MCM3: variants seen among roughly 807,000 people sequenced by gnomAD.
MCM3 encodes the protein DNA replication licensing factor MCM3.
MCM3 carries 59 observed loss-of-function variants against 91.3 expected under a neutral mutation model. That is an observed-to-expected ratio of 0.65 (90% CI 0.52 to 0.80). The LOEUF is 0.80. Ranked by LOEUF, MCM3 falls within the 30% of genes least tolerant of loss-of-function variation. The pLI, the probability that MCM3 is intolerant of heterozygous loss-of-function variation, is 0.00. For synonymous variants in MCM3, 383 were observed against 379.6 expected, an observed-to-expected ratio of 1.01 and a Z score of -0.10; for missense variants, 919 against 1,035.4, an observed-to-expected ratio of 0.89 and a Z score of 1.54.
At position 52,282,048 on chromosome 6, in the gene MCM3, G is replaced by A. The variant is rs139130600; in HGVS notation, c.528C>T (p.Thr176=). ...TCAACTGATTTATCCCCCTTACCTTGGTAGGATAGACAGAGCTGGAGGGAA... is the reference window on the plus strand; with the variant it reads ...TCAACTGATTTATCCCCCTTACCTTAGTAGGATAGACAGAGCTGGAGGGAA... ...VAFPSSSVYP[T]KDEENNPLET... The change falls in exon 4 of 17, where the codon ACC becomes ACT. Residue 176 remains threonine, a synonymous_variant. Transcript: ENST00000596288. The A allele has an allele frequency of 1.6e-5, 26 of 1,613,918 alleles. No individual in the cohort carries two copies. Among genetic ancestry groups the A allele is most frequent in the Non-Finnish European group, 2.1e-5 (25 of 1,179,984 alleles).
chr6:52,272,147 T>C (rs944126782), intron 12 of MCM3, among the ~76,000 whole-genome samples, 154 bp downstream of exon 12: 3 of 152,126 alleles, frequency 2.0e-5, no homozygotes, highest in Non-Finnish European at 4.4e-5. Flanking sequence ...TTTTCCTTTA[T>C]AAAAGGAAAT....
chr6:52,277,941 G>A (rs1359383851), intron 6 of MCM3, among the ~76,000 whole-genome samples: 5 of 151,524 alleles, frequency 3.3e-5, no homozygotes, highest in East Asian at 1.9e-4. Flanking sequence ...GGTGGTGTGC[G>A]CCTGTAATCC....
chr6:52,271,480 T>C (rs933204623), intron 12 of MCM3, among the ~76,000 whole-genome samples: 34 of 151,990 alleles, frequency 2.2e-4, no homozygotes, highest in African/African-American at 8.2e-4. Context: ...TGGTCTCTAT[T>C]AAAAACACAA....
intron 12 of MCM3, among the ~76,000 whole-genome samples, chr6:52,270,543 G>A (rs1765044385): frequency 6.6e-6 from 1 of 152,128 alleles, no homozygotes; most frequent in African/African-American, 2.4e-5. Context: ...AGCTACCGGA[G>A]TTTGGAAGTC....
chr6:52,272,465 C>T lies in MCM3; in HGVS notation c.1677-14G>A. 1 of 1,613,804 alleles carries T rather than the reference C, an allele frequency of 6.2e-7. No individual in the cohort carries two copies. ...ACCATCTTCTCCCTGGAGCCACACA[C>T]AGTGAATTCCATCTCCCTGCCACAC... On this transcript the variant is annotated splice_polypyrimidine_tract_variant and intron_variant, in intron 11 of 16. Transcript: ENST00000596288.
In MCM3 at chr6:52,282,177, T is replaced by A. The variant is rs753675968; in HGVS notation, c.401-2A>T. 1 of 1,613,998 alleles carries A rather than the reference T, an allele frequency of 6.2e-7. No individual in the cohort carries two copies. The highest frequency in any genetic ancestry group is 8.5e-7 in the Non-Finnish European group (1 of 1,179,920). On this transcript the variant is annotated splice_acceptor_variant, in intron 3 of 16. Transcript: ENST00000596288. LOFTEE classifies it high-confidence loss of function. Reference sequence around the variant, plus strand: ...CGACTTTGGGACGAACTAGAGAACCTAGGGATGGAAAATGTGCATATATAA... The same window carrying A: ...CGACTTTGGGACGAACTAGAGAACCAAGGGATGGAAAATGTGCATATATAA...
Position 52,272,341 on chromosome 6 carries a change from CG to C in MCM3, c.1786del (p.Arg596AlafsTer8). ...GCTCATGCTATCCTGGCTGCGCAGG[CG>C]TGAATACTCTTCTGCAATGTAGGTG... ...SATYIAEEYS[R>X]LRSQDSMSSD... On this transcript the variant is annotated frameshift_variant, in exon 12 of 17. Transcript: ENST00000596288. LOFTEE classifies it high-confidence loss of function. 1 of 1,614,184 alleles carries C rather than the reference CG, an allele frequency of 6.2e-7. No homozygotes were observed. The highest frequency in any genetic ancestry group is 8.5e-7 in the Non-Finnish European group (1 of 1,180,034).
chr6:52,278,807 C>G lies in MCM3; in HGVS notation c.814G>C (p.Ala272Pro). Residue 272 changes from alanine (A) to proline (P), a missense_variant, in exon 6 of 17, where the codon GCT (alanine) becomes CCT (proline). Ala to Pro is a conservative substitution (Grantham distance 27). Around this residue, in one of 3 missense-constraint regions of MCM3, gnomAD observed 401 missense variants for 402.7 expected, o/e 1.00. Transcript: ENST00000596288. The stretch of plus-strand genomic sequence containing the variant: ...TCCTCAGCAGAGAAAGAGGGCTGAG[C>G]ATCCTTGCTCATCTGCTTAACATTA... ...ACNVKQMSKD[A>P]QPSFSAEDIA... 1 of 1,613,964 alleles carries G rather than the reference C, an allele frequency of 6.2e-7. No individual in the cohort carries two copies. Among genetic ancestry groups the G allele is most frequent in the Non-Finnish European group, 8.5e-7 (1 of 1,179,886 alleles).
chr6:52,282,245 T>C (rs1291794439), intron 3 of MCM3, 70 bp from the exon 4 acceptor site: 2 of 1,421,438 alleles, frequency 1.4e-6, no homozygotes, highest in Non-Finnish European at 9.9e-7. Flanking sequence ...CCCAAACATA[T>C]GCAAGCCTAT....
chr6:52,276,515 G>T, intron 8 of MCM3, 39 bp from the exon 9 acceptor site: 1 of 1,520,610 alleles, frequency 6.6e-7, no homozygotes, highest in Non-Finnish European at 9.1e-7. Flanking sequence ...CTACAGTCTA[G>T]GTTATAGGGG....
In MCM3 at chr6:52,264,260, C is replaced by A; in HGVS notation, c.*328G>T. On this transcript the variant is annotated 3_prime_UTR_variant, in exon 17 of 17. Transcript: ENST00000596288. ...ACAGCAAACAGAAAACAGTTGTGCC[C>A]CCAAAAGTACTCAGAAGTCATATGT... is the stretch of plus-strand genomic sequence containing the variant. The A allele has an allele frequency of 3.9e-6, 1 of 253,242 alleles. No homozygotes were observed. Among genetic ancestry groups the A allele is most frequent in the South Asian group, 5.4e-5 (1 of 18,394 alleles). 15.7% of individuals were successfully genotyped at this position (253,242 alleles called of 1,614,324 possible). A position where few individuals can be genotyped will look rare whatever the true frequency, so the allele number is the denominator to read the frequency against.
Position 52,266,076 on chromosome 6 carries a change from T to C in MCM3, c.2227A>G (p.Arg743Gly). ...ESQKVELSES[R>G]LKAFKVALLD... ...GGCAGGAGCAACATCCGTACTCACC[T>C]GGATTCACTCAACTCCACTTTCTGG... is the stretch of plus-strand genomic sequence containing the variant. The change falls in exon 16 of 17, where the codon AGG becomes GGG. Residue 743 changes from arginine to glycine, a missense_variant and splice_region_variant. Physicochemically the swap from Arg to Gly is moderately radical, Grantham distance 125 (BLOSUM62 -2). This residue lies in a region of MCM3 where 285 missense variants were observed against 311.4 expected (regional missense o/e 0.92). Coordinates refer to ENST00000596288, the MANE Select transcript of MCM3 (RefSeq NM_002388.6). The C allele has an allele frequency of 6.2e-7, 1 of 1,613,856 alleles. No homozygotes were observed. Among genetic ancestry groups the C allele is most frequent in the Non-Finnish European group, 8.5e-7 (1 of 1,179,708 alleles).
In MCM3 at chr6:52,264,645, G is replaced by C. The variant is rs1278565609; in HGVS notation, c.2370C>G (p.Ser790Arg). Residue 790 changes from serine to arginine, a missense_variant, in exon 17 of 17, where the codon AGC (serine) becomes AGG (arginine). Physicochemically the swap from Ser to Arg is moderately radical, Grantham distance 110. This residue lies in a region of MCM3 where 285 missense variants were observed against 311.4 expected (regional missense o/e 0.92). Transcript: ENST00000596288. Reference protein sequence around the residue: ...FSSVEIQAALSKMQDDNQVMV... With the variant: ...FSSVEIQAALRKMQDDNQVMV... The stretch of plus-strand genomic sequence containing the variant: ...TGACCTGATTGTCATCCTGCATCTT[G>C]CTCAGAGCAGCCTGGATCTCAACTG... The C allele has an allele frequency of 1.9e-6, 3 of 1,614,162 alleles. No homozygotes were observed. The highest frequency in any genetic ancestry group is 3.3e-5 in the Admixed American group (2 of 60,026).
chr6:52,277,400 A>G, intron 7 of MCM3, 135 bp downstream of exon 7: 1 of 1,086,902 alleles, frequency 9.2e-7, no homozygotes, highest in Non-Finnish European at 1.3e-6. Flanking sequence ...AAAAAAAAAA[A>G]AGATTCATTT....
chr6:52,269,703 A>T (rs2268855), intron 12 of MCM3, among the ~76,000 whole-genome samples: 97,482 of 152,080 alleles, frequency 0.64, 31,510 homozygotes, highest in Middle Eastern at 0.73. Flanking sequence ...TGAGGACAAA[A>T]ACGTAACTTC....
rs530063598 is a variant in MCM3, at chr6:52,264,324, G to T, written c.*264C>A. The T allele has an allele frequency of 7.0e-6, 3 of 428,084 alleles. No individual in the cohort carries two copies. The highest frequency in any genetic ancestry group is 8.6e-6 in the Non-Finnish European group (2 of 231,704). 26.5% of individuals were successfully genotyped at this position (428,084 alleles called of 1,614,324 possible). Reference sequence around the variant, plus strand: ...GTTTGTGTGGGATGGGAAGTAGGGCGGATGAGCCAGTGCTTTTGCAATGAA... The same window carrying T: ...GTTTGTGTGGGATGGGAAGTAGGGCTGATGAGCCAGTGCTTTTGCAATGAA... On this transcript the variant is annotated 3_prime_UTR_variant, in exon 17 of 17. Coordinates refer to ENST00000596288, the MANE Select transcript of MCM3 (RefSeq NM_002388.6).
intron 1 of MCM3, among the ~76,000 whole-genome samples, chr6:52,284,308 C>G (rs1291887339): frequency 6.6e-6 from 1 of 152,174 alleles, no homozygotes; most frequent in Admixed American, 6.5e-5. Flanking sequence ...TGCAAAAGGC[C>G]GAGGTGGGCT....
intron 16 of MCM3, among the ~76,000 whole-genome samples, chr6:52,265,699 CTGG>C (rs1239941790): frequency 6.6e-6 from 1 of 151,662 alleles, no homozygotes; most frequent in African/African-American, 2.4e-5. Context: ...TCCTAAAACC[CTGG>C]TGGTAAAAAT....
intron 13 of MCM3, among the ~76,000 whole-genome samples, chr6:52,268,464 T>C (rs747863223): frequency 1.1e-4 from 17 of 152,038 alleles, no homozygotes; most frequent in Non-Finnish European, 2.2e-4. Flanking sequence ...ACCCTTAACC[T>C]AGCAAAAAGC....
Sources: allele counts gnomAD v4.1 joint callset (sites outside exome capture counted in the v4.1 genomes callset), GRCh38; gene constraint gnomAD v4.1.1; regional missense constraint gnomAD v4.1.1; transcripts MANE v1.5; gene names NCBI Gene and HGNC (gene_info 2026-07-23, HGNC 2026-07-21).